The following OPN4 variants were observed in gnomAD, a reference collection of about 807,000 sequenced individuals.
OPN4 encodes melanopsin.
A neutral mutation model predicts 49.5 loss-of-function variants in OPN4; 43 were observed. The ratio of observed to expected loss-of-function variants is 0.87; its 90% CI spans 0.68 to 1.12. The LOEUF is 1.12. OPN4 is among the 50% of genes most tolerant of loss of function. The probability of loss-of-function intolerance (pLI) is 0.00; values close to 1 mark genes in which losing one functional copy is unlikely to be tolerated. For missense variants in OPN4, 657 were observed against 643.9 expected (o/e 1.02, Z -0.22); for synonymous variants, 263 against 258.0 (o/e 1.02, Z -0.19).
At chr10:86,663,566 T>C in intron 8 of OPN4, 93 bp from the exon 9 acceptor site, 4 of 1,211,488 alleles carry the variant, frequency 3.3e-6, no homozygotes, top group Non-Finnish European at 4.4e-6. Context: ...GAATACCTGT[T>C]GGGAGGATGA....
chr10:86,656,150 C>T lies in OPN4; in HGVS notation c.145-5C>T, dbSNP rs371891416. On this transcript the variant is annotated splice_polypyrimidine_tract_variant and splice_region_variant and intron_variant, in intron 1 of 9. Coordinates refer to ENST00000241891, the MANE Select transcript of OPN4 (RefSeq NM_033282.4). ...TGATTCCCTCGTTTCTCTGTCTCTC[C>T]GCAGGCACCTGGGACTTGGGCTGCT... 4.5e-5 allele frequency: 72 copies of T among 1,614,050 alleles called. No individual in the cohort carries two copies. Among genetic ancestry groups the T allele is most frequent in the Middle Eastern group, 1.6e-4 (1 of 6,084 alleles).
At chr10:86,661,962 T>C (rs1430005606) in intron 7 of OPN4, among the ~76,000 whole-genome samples, 1 of 152,218 alleles carries the variant, frequency 6.6e-6, no homozygotes, top group East Asian at 1.9e-4. Flanking sequence ...GAGATGTGGC[T>C]TGAGCCAGCC....
At chr10:86,661,795 G>A (rs905362565) in intron 7 of OPN4, among the ~76,000 whole-genome samples, 3 of 150,452 alleles carry the variant, frequency 2.0e-5, no homozygotes, top group African/African-American at 7.3e-5. Context: ...CTCTGGGCCA[G>A]TATGCATGCT....
rs923334248 is a variant in OPN4 at position 86,654,713 on chromosome 10, C to T, written c.-71C>T. On this transcript the variant is annotated 5_prime_UTR_variant, in exon 1 of 10. Transcript: ENST00000241891. ...TGGAGGAAAGTTGGGAGGCTGAGCACAGCTGAAGTCCTGAGCTCCCTGTGC... is the reference window on the plus strand; with the variant it reads ...TGGAGGAAAGTTGGGAGGCTGAGCATAGCTGAAGTCCTGAGCTCCCTGTGC... The T allele has an allele frequency of 1.9e-6, 3 of 1,556,792 alleles. No homozygotes were observed. The African/African-American group carries it at 4.1e-5, about 21-fold the overall frequency.
intron 7 of OPN4, 115 bp downstream of exon 7, chr10:86,661,503 C>G (rs931748329): frequency 1.4e-6 from 1 of 736,158 alleles, no homozygotes; most frequent in East Asian, 2.7e-5. Context: ...GGGCCACCAG[C>G]AGCTGGGAGC....
intron 4 of OPN4, among the ~76,000 whole-genome samples, chr10:86,659,013 G>C (rs958723348): frequency 2.9e-4 from 44 of 152,256 alleles, no homozygotes; most frequent in African/African-American, 1.0e-3. Context: ...ACGGTGGAGA[G>C]CAAGGTAGTA....
At chr10:86,656,119 A>G (rs758527153) in intron 1 of OPN4, 36 bp from the exon 2 acceptor site, 3 of 1,613,832 alleles carry the variant, frequency 1.9e-6, no homozygotes, top group Non-Finnish European at 2.5e-6. Flanking sequence ...GTGACAAGCG[A>G]TAACATGATT....
Position 86,658,471 on chromosome 10 carries a change from G to T in OPN4, c.425-13G>T. ...CTCCTCCCCAGGACTCAGAGCAGGG[G>T]CTGTGCCCACAGGCTGCGAGTTCTA... On this transcript the variant is annotated splice_polypyrimidine_tract_variant and intron_variant, in intron 3 of 9. Transcript: ENST00000241891. 1 of 1,613,792 alleles carries T rather than the reference G, an allele frequency of 6.2e-7. No individual in the cohort carries two copies. The highest frequency in any genetic ancestry group is 8.5e-7 in the Non-Finnish European group (1 of 1,179,806).
intron 4 of OPN4, 79 bp downstream of exon 4, chr10:86,658,766 T>C: frequency 6.6e-7 from 1 of 1,513,156 alleles, no homozygotes; most frequent in Non-Finnish European, 9.0e-7. Context: ...TGGACTTGGG[T>C]CAGCCAGCTG....
intron 7 of OPN4, among the ~76,000 whole-genome samples, chr10:86,661,694 C>T (rs1457468430): frequency 1.4e-5 from 2 of 144,700 alleles, no homozygotes; most frequent in Non-Finnish European, 1.6e-5. Flanking sequence ...AGCACCCCCC[C>T]GCCCCGCCCT....
chr10:86,662,570 G>A (rs1564622148), intron 8 of OPN4, 138 bp downstream of exon 8: 7 of 796,222 alleles, frequency 8.8e-6, no homozygotes, highest in African/African-American at 1.7e-5. Flanking sequence ...ACCCTGGCAG[G>A]AAGAGCCCCT....
In OPN4 at chr10:86,665,949, A is replaced by T; in HGVS notation, c.*198A>T. ...ACTCCTGCCCCATAACGTCCTCCGC[A>T]TCCACTTTCCAGCTCAGCAGCCGCA... On this transcript the variant is annotated 3_prime_UTR_variant, in exon 10 of 10. Coordinates refer to ENST00000241891, the MANE Select transcript of OPN4 (RefSeq NM_033282.4). 1 of 576,692 alleles carries T rather than the reference A, an allele frequency of 1.7e-6. No homozygotes were observed. 35.7% of individuals were successfully genotyped at this position (576,692 alleles called of 1,614,324 possible). A position where few individuals can be genotyped will look rare whatever the true frequency, so the allele number is the denominator to read the frequency against.
Position 86,654,691 on chromosome 10 carries a change from A to G in OPN4, c.-93A>G. 6.6e-7 allele frequency: 1 copy of G among 1,521,076 alleles called. No homozygotes were observed. 94.2% of individuals were successfully genotyped at this position (1,521,076 alleles called of 1,614,324 possible). A position where few individuals can be genotyped will look rare whatever the true frequency, so the allele number is the denominator to read the frequency against. On this transcript the variant is annotated 5_prime_UTR_variant, in exon 1 of 10. Transcript: ENST00000241891. ...GGCTAAGCAGGGGTGCTGAGGATGG[A>G]GGAAAGTTGGGAGGCTGAGCACAGC...
Position 86,654,849 on chromosome 10 carries a change from C to A in OPN4, c.66C>A (p.Thr22=). Residue 22 remains threonine (T), a synonymous_variant, in exon 1 of 10, where the codon ACC becomes ACA. Transcript: ENST00000241891. ...CCCAAGAGCCCAGCTGCATGGCCAC[C>A]CCAGCACCACCCAGCTGGTGGGACA... The part of the protein sequence containing the change: ...SPTQEPSCMA[T]PAPPSWWDSS... 6.2e-7 allele frequency: 1 copy of A among 1,613,828 alleles called. No individual in the cohort carries two copies. Among genetic ancestry groups the A allele is most frequent in the Non-Finnish European group, 8.5e-7 (1 of 1,179,862 alleles).
chr10:86,664,076 G>A (rs934240408), intron 9 of OPN4: 3 of 408,642 alleles, frequency 7.3e-6, no homozygotes, highest in Middle Eastern at 6.5e-4. Flanking sequence ...TGGCTGTGCT[G>A]TGGCATGATA....
chr10:86,666,027 G>T lies in OPN4; in HGVS notation c.*276G>T. On this transcript the variant is annotated 3_prime_UTR_variant, in exon 10 of 10. Coordinates refer to ENST00000241891, the MANE Select transcript of OPN4 (RefSeq NM_033282.4). Reference sequence around the variant, plus strand: ...CCCAGGCCCTCCCACTTCCCGAGTTGTCTGCCTCTCCTCAAATGCTGTGTG... The same window carrying T: ...CCCAGGCCCTCCCACTTCCCGAGTTTTCTGCCTCTCCTCAAATGCTGTGTG... The T allele has an allele frequency of 2.0e-6, 1 of 505,074 alleles. No homozygotes were observed. The highest frequency in any genetic ancestry group is 3.5e-6 in the Non-Finnish European group (1 of 284,984). 31.3% of individuals were successfully genotyped at this position (505,074 alleles called of 1,614,324 possible).
rs1466340429 is a variant in OPN4 at position 86,662,197 on chromosome 10, C to T, written c.1074-55C>T. The T allele has an allele frequency of 3.3e-5, 49 of 1,506,010 alleles. 1 individual carries two copies. The South Asian group carries it at 4.6e-4, about 14-fold the overall frequency. 93.3% of individuals were successfully genotyped at this position (1,506,010 alleles called of 1,614,324 possible). A position where few individuals can be genotyped will look rare whatever the true frequency, so the allele number is the denominator to read the frequency against. On this transcript the variant is annotated intron_variant, in intron 7 of 9. Transcript: ENST00000241891. The stretch of plus-strand genomic sequence containing the variant: ...GTACCAGCCTGTGCACCCATCCCCT[C>T]CCCTGCATCTGTCTGCCCATCCCCT...
chr10:86,662,655 G>T (rs1392730099), intron 8 of OPN4, among the ~76,000 whole-genome samples: 1 of 152,234 alleles, frequency 6.6e-6, no homozygotes, highest in Non-Finnish European at 1.5e-5. Context: ...ATGGTTTGGG[G>T]GTTCCCAGGA....
rs1843823799 is a variant in OPN4, at chr10:86,654,719, A to G, written c.-65A>G. The G allele has an allele frequency of 6.4e-7, 1 of 1,563,320 alleles. No individual in the cohort carries two copies. Among genetic ancestry groups the G allele is most frequent in the Admixed American group, 1.8e-5 (1 of 55,846 alleles). The stretch of plus-strand genomic sequence containing the variant: ...AAAGTTGGGAGGCTGAGCACAGCTG[A>G]AGTCCTGAGCTCCCTGTGCCCTTGA... On this transcript the variant is annotated 5_prime_UTR_variant, in exon 1 of 10. It removes the in-frame stop codon of an upstream open reading frame in the 5' UTR. Transcript: ENST00000241891.
Sources: gnomAD v4.1 joint callset for allele counts (sites outside exome capture counted in the v4.1 genomes callset) on GRCh38, gnomAD v4.1.1 for gene constraint, MANE v1.5 for transcripts, NCBI Gene and HGNC (gene_info 2026-07-23, HGNC 2026-07-21) for gene names.